Variants in KCNH1 observed in about 807,000 individuals in gnomAD.
KCNH1 encodes potassium voltage-gated channel subfamily H member 1.
A neutral mutation model predicts 69.2 loss-of-function variants in KCNH1; 27 were observed. That is an observed-to-expected ratio of 0.39 (90% confidence interval 0.29 to 0.54). The LOEUF is 0.54. Ranked by LOEUF, KCNH1 falls within the 20% of genes least tolerant of loss-of-function variation. The probability of loss-of-function intolerance (pLI) is 0.68; values close to 1 mark genes in which losing one functional copy is unlikely to be tolerated. For missense variants in KCNH1, 798 were observed against 1,261.6 expected (o/e 0.63, Z 5.57); for synonymous variants, 456 against 487.7 (o/e 0.93, Z 0.86).
intron 6 of KCNH1, among the ~76,000 whole-genome samples, chr1:210,930,213 C>G (rs1263671661): frequency 6.6e-6 from 1 of 152,082 alleles, no homozygotes; most frequent in Non-Finnish European, 1.5e-5. Flanking sequence ...AGAGAGAGCC[C>G]ACATAGCCAA....
At chr1:210,725,244 TA>T (rs1439637207) in intron 10 of KCNH1, among the ~76,000 whole-genome samples, 4 of 152,322 alleles carry the variant, frequency 2.6e-5, no homozygotes, top group Non-Finnish European at 2.9e-5. Flanking sequence ...CTGTCAGAAT[TA>T]CCTATGAAAG....
chr1:211,006,873 T>C (rs1194250381), intron 6 of KCNH1, among the ~76,000 whole-genome samples: 1 of 152,084 alleles, frequency 6.6e-6, no homozygotes, highest in Non-Finnish European at 1.5e-5. Context: ...AATCTATTGT[T>C]GAGATAATAA....
At chr1:211,074,203 C>T (rs1423511962) in intron 5 of KCNH1, among the ~76,000 whole-genome samples, 19 of 148,874 alleles carry the variant, frequency 1.3e-4, no homozygotes, top group Admixed American at 1.1e-3. Context: ...AGTAAGTAAA[C>T]TGTATGTTAC....
chr1:211,060,400 C>CAAAAAAAAAAAAAAAAAAA (rs60620622), intron 5 of KCNH1, among the ~76,000 whole-genome samples: 19 of 44,330 alleles, frequency 4.3e-4, no homozygotes, highest in Non-Finnish European at 5.3e-4. Flanking sequence ...GACTCCGTCT[C>CAAAAAAAAAAAAAAAAAAA]AAAAAAAAAA....
chr1:210,983,232 C>G (rs530141381), intron 6 of KCNH1, among the ~76,000 whole-genome samples: 20 of 152,314 alleles, frequency 1.3e-4, no homozygotes, highest in African/African-American at 4.6e-4. Context: ...CCTGTTCACT[C>G]TGATGGTAGT....
intron 10 of KCNH1, among the ~76,000 whole-genome samples, chr1:210,753,595 C>G (rs1683328301): frequency 6.6e-6 from 1 of 152,152 alleles, no homozygotes. Flanking sequence ...GTCTCCTCAG[C>G]CAAAGACTCA....
chr1:210,892,539 A>T (rs571641958), intron 7 of KCNH1, among the ~76,000 whole-genome samples: 14 of 152,216 alleles, frequency 9.2e-5, no homozygotes, highest in South Asian at 8.3e-4. Flanking sequence ...CATATTTTTT[A>T]AAAAAACACA....
intron 7 of KCNH1, among the ~76,000 whole-genome samples, chr1:210,809,100 G>C (rs111880256): frequency 5.0e-5 from 7 of 139,554 alleles, no homozygotes; most frequent in African/African-American, 1.8e-4. Flanking sequence ...TTCCTACCCA[G>C]AAAGAAAGAA....
At chr1:210,708,413 C>T (rs1002484771) in intron 10 of KCNH1, among the ~76,000 whole-genome samples, 4 of 151,940 alleles carry the variant, frequency 2.6e-5, no homozygotes, top group African/African-American at 9.7e-5. Flanking sequence ...TAATTAAGAA[C>T]AGGCTTCTGC....
intron 10 of KCNH1, among the ~76,000 whole-genome samples, chr1:210,684,674 C>T (rs941073263): frequency 1.3e-4 from 20 of 152,210 alleles, no homozygotes; most frequent in Non-Finnish European, 2.6e-4. Context: ...CAATGCCACC[C>T]ACAGATCTGG....
At chr1:210,764,022 T>C (rs1574241755) in intron 10 of KCNH1, among the ~76,000 whole-genome samples, 1 of 151,874 alleles carries the variant, frequency 6.6e-6, no homozygotes, top group Admixed American at 6.6e-5. Context: ...CAAAAACAGA[T>C]GAATACACCA....
chr1:210,806,820 AAAAAAAAAAAAAAAAAATATAT>A (rs1180386182), intron 7 of KCNH1, among the ~76,000 whole-genome samples: 1 of 23,694 alleles, frequency 4.2e-5, no homozygotes, highest in East Asian at 1.7e-3. Flanking sequence ...AAAAAAAAAA[AAAAAAAAAAAAAAAAAATATAT>A]ATATATATAT....
At chr1:210,748,365 A>C (rs1683209098) in intron 10 of KCNH1, among the ~76,000 whole-genome samples, 1 of 152,334 alleles carries the variant, frequency 6.6e-6, no homozygotes, top group South Asian at 2.1e-4. Flanking sequence ...AGGAGAAAGA[A>C]ACCCTTAGTT....
chr1:211,016,277 T>C (rs1029926918), intron 6 of KCNH1, among the ~76,000 whole-genome samples: 6 of 152,104 alleles, frequency 3.9e-5, no homozygotes, highest in African/African-American at 1.4e-4. Flanking sequence ...AACTCTTTCC[T>C]AGGGGAGAAG....
intron 1 of KCNH1, among the ~76,000 whole-genome samples, chr1:211,122,056 T>G (rs1428144657): frequency 6.6e-6 from 1 of 151,786 alleles, no homozygotes; most frequent in Non-Finnish European, 1.5e-5. Flanking sequence ...GAGAATGGCG[T>G]GAACCTGGGA....
At chr1:211,055,391 T>C (rs1034421528) in intron 5 of KCNH1, among the ~76,000 whole-genome samples, 2 of 152,178 alleles carry the variant, frequency 1.3e-5, no homozygotes, top group Non-Finnish European at 2.9e-5. Context: ...AGGCTAATCA[T>C]TCATCCCAGT....
chr1:211,037,016 T>C (rs1689911857), intron 5 of KCNH1, among the ~76,000 whole-genome samples: 1 of 152,238 alleles, frequency 6.6e-6, no homozygotes, highest in South Asian at 2.1e-4. Context: ...TCTTGAAGAC[T>C]GATTCTGGAA....
At chr1:210,740,797 TTTTAAATGTAAAAACA>T (rs1272890256) in intron 10 of KCNH1, among the ~76,000 whole-genome samples, 1 of 151,140 alleles carries the variant, frequency 6.6e-6, no homozygotes, top group African/African-American at 2.4e-5. Context: ...TTACCACGTC[TTTTAAATGTAAAAACA>T]GAGAGTGAGA....
chr1:211,088,750 C>T (rs1206995524), intron 4 of KCNH1, among the ~76,000 whole-genome samples: 2 of 152,038 alleles, frequency 1.3e-5, no homozygotes, highest in Admixed American at 6.6e-5. Context: ...TTTATTTCAC[C>T]GACAAAAACA....
Sources: allele counts gnomAD v4.1 joint callset (sites outside exome capture counted in the v4.1 genomes callset), GRCh38; gene constraint gnomAD v4.1.1; transcripts MANE v1.5; gene names NCBI Gene and HGNC (gene_info 2026-07-23, HGNC 2026-07-21).